RTP5: variants seen among roughly 807,000 people sequenced by gnomAD.
RTP5 encodes the protein receptor-transporting protein 5.
A neutral mutation model predicts 23.5 loss-of-function variants in RTP5; 30 were observed. The ratio of observed to expected loss-of-function variants is 1.27; its 90% CI spans 0.95 to 1.73. RTP5 has a LOEUF of 1.73. Among genes scored for constraint, RTP5 ranks in the 40% most tolerant of loss-of-function variants. The pLI, the probability that RTP5 is intolerant of heterozygous loss-of-function variation, is 0.00. For missense variants in RTP5, 807 were observed against 784.2 expected, an observed-to-expected ratio of 1.03 and a Z score of -0.35; for synonymous variants, 354 against 342.1, an observed-to-expected ratio of 1.03 and a Z score of -0.38.
Position 241,872,643 on chromosome 2 carries a change from C to T in RTP5, c.1088C>T (p.Thr363Ile). 6.3e-7 allele frequency: 1 copy of T among 1,580,160 alleles called. No homozygotes were observed. Among genetic ancestry groups the T allele is most frequent in the South Asian group, 1.2e-5 (1 of 86,250 alleles). ...GAGCCCACCGATGGCCCTGTGGCCA[C>T]TAAAGAGGCCTCCATCACCTTCCCC... is the stretch of plus-strand genomic sequence containing the variant. Reference protein sequence around the residue: ...LSEPTDGPVATKEASITFPFI... With the variant: ...LSEPTDGPVAIKEASITFPFI... Residue 363 changes from threonine (T) to isoleucine (I), a missense_variant, in exon 2 of 2, where the codon ACT becomes ATT. Physicochemically the swap from Thr to Ile is moderately conservative, Grantham distance 89. Transcript: ENST00000343216.
At position 241,871,774 on chromosome 2, in the gene RTP5, C is replaced by T; in HGVS notation, c.219C>T (p.His73=). 1 of 1,596,318 alleles carries T rather than the reference C, an allele frequency of 6.3e-7. No homozygotes were observed. Among genetic ancestry groups the T allele is most frequent in the South Asian group, 1.1e-5 (1 of 88,324 alleles). Residue 73 remains histidine (H), a synonymous_variant, in exon 2 of 2, where the codon CAC becomes CAT. Coordinates refer to ENST00000343216, the MANE Select transcript of RTP5 (RefSeq NM_173821.3). ...CGGCCCATGTGCACGTCCTCTTCCA[C>T]CTGTGGTGGGACAGGGCCAGCCACC... The part of the protein sequence containing the change: ...WDSAHVHVLF[H]LWWDRASHRG...
At chr2:241,871,049 C>T (rs1012385870) in intron 1 of RTP5, 8 of 470,910 alleles carry the variant, frequency 1.7e-5, no homozygotes, top group Admixed American at 2.3e-5. Flanking sequence ...GTCTGATGAC[C>T]GCCATGGACA....
chr2:241,871,763 G>A lies in RTP5; in HGVS notation c.208G>A (p.Val70Ile), dbSNP rs200957184. 1.6e-5 allele frequency: 25 copies of A among 1,599,722 alleles called. No homozygotes were observed. The highest frequency in any genetic ancestry group is 5.3e-5 in the African/African-American group (4 of 74,780). The change falls in exon 2 of 2, where the codon GTC becomes ATC. Residue 70 changes from valine (V) to isoleucine (I), a missense_variant. Coordinates refer to ENST00000343216, the MANE Select transcript of RTP5 (RefSeq NM_173821.3). The part of the protein sequence containing the change: ...PGTWDSAHVH[V>I]LFHLWWDRAS... ...GACCTGGGACTCGGCCCATGTGCAC[G>A]TCCTCTTCCACCTGTGGTGGGACAG...
intron 1 of RTP5, 127 bp from the exon 2 acceptor site, chr2:241,871,587 G>A: frequency 7.8e-7 from 1 of 1,274,732 alleles, no homozygotes; most frequent in South Asian, 1.6e-5. Flanking sequence ...GTTTGAGTGT[G>A]GGATGTGAGG....
At position 241,869,784 on chromosome 2, in the gene RTP5, G is replaced by A; in HGVS notation, c.28G>A (p.Ala10Thr). The A allele has an allele frequency of 6.5e-7, 1 of 1,540,206 alleles. No homozygotes were observed. Among genetic ancestry groups the A allele is most frequent in the Non-Finnish European group, 8.7e-7 (1 of 1,144,766 alleles). Residue 10 changes from alanine (A) to threonine (T), a missense_variant, in exon 1 of 2, where the codon GCC (alanine) becomes ACC (threonine). Coordinates refer to ENST00000343216, the MANE Select transcript of RTP5 (RefSeq NM_173821.3). MDRAGADMW[A>T]STFTLAMAER... ...GGACCGGGCTGGGGCAGACATGTGG[G>A]CCAGCACCTTCACCCTGGCCATGGC...
Position 241,872,201 on chromosome 2 carries a change from G to C in RTP5, c.646G>C (p.Val216Leu). The C allele has an allele frequency of 3.1e-6, 5 of 1,611,892 alleles. No homozygotes were observed. Among genetic ancestry groups the C allele is most frequent in the Non-Finnish European group, 4.2e-6 (5 of 1,179,168 alleles). ...CCTTGTGGGTACCAGCAATGACCAG[G>C]TGCCCATCGCTGAGGGCCCTGCCCC... The part of the protein sequence containing the change: ...FSLVGTSNDQ[V>L]PIAEGPAPPA... Residue 216 changes from valine to leucine, a missense_variant, in exon 2 of 2, where the codon GTG becomes CTG. Coordinates refer to ENST00000343216, the MANE Select transcript of RTP5 (RefSeq NM_173821.3).
rs2124890379 is a variant in RTP5, at chr2:241,873,008, A to T, written c.1453A>T (p.Lys485Ter). The T allele has an allele frequency of 6.2e-7, 1 of 1,613,134 alleles. No individual in the cohort carries two copies. The highest frequency in any genetic ancestry group is 8.5e-7 in the Non-Finnish European group (1 of 1,179,972). The change falls in exon 2 of 2, where the codon AAG becomes TAG. Residue 485 changes from lysine (K) to a stop codon, truncating the protein, a stop_gained. Transcript: ENST00000343216. LOFTEE classifies it high-confidence loss of function. Reference protein sequence around the residue: ...PFAVFDVIKRKGGGHVAYGPQ... With the variant: ...PFAVFDVIKR Reference sequence around the variant, plus strand: ...CGCAGTCTTCGATGTCATAAAGCGCAAGGGCGGTGGCCACGTTGCCTACGG... The same window carrying T: ...CGCAGTCTTCGATGTCATAAAGCGCTAGGGCGGTGGCCACGTTGCCTACGG...
chr2:241,869,860 T>C lies in RTP5; in HGVS notation c.104T>C (p.Val35Ala). Residue 35 changes from valine (V) to alanine (A), a missense_variant, in exon 1 of 2, where the codon GTC (valine) becomes GCC (alanine). Physicochemically the swap from Val to Ala is moderately conservative, Grantham distance 64. Coordinates refer to ENST00000343216, the MANE Select transcript of RTP5 (RefSeq NM_173821.3). ...VWVLLPEHSLVPGCLDGGGVQ... is the reference protein window; with the variant it reads ...VWVLLPEHSLAPGCLDGGGVQ... The stretch of plus-strand genomic sequence containing the variant: ...GTTCTGCTACCTGAGCACAGCCTGG[T>C]CCCGGGATGCCTGGACGGCGGTGGT... 1 of 1,588,616 alleles carries C rather than the reference T, an allele frequency of 6.3e-7. No individual in the cohort carries two copies. Among genetic ancestry groups the C allele is most frequent in the Non-Finnish European group, 8.6e-7 (1 of 1,169,342 alleles).
intron 1 of RTP5, chr2:241,871,022 C>T (rs1471240420): frequency 2.1e-6 from 1 of 470,998 alleles, no homozygotes; most frequent in Admixed American, 2.3e-5. Context: ...GCTTGTGTGG[C>T]TAGCAAATGG....
chr2:241,872,477 C>T lies in RTP5; in HGVS notation c.922C>T (p.Pro308Ser). 6.3e-7 allele frequency: 1 copy of T among 1,597,870 alleles called. No individual in the cohort carries two copies. The highest frequency in any genetic ancestry group is 8.5e-7 in the Non-Finnish European group (1 of 1,173,870). ...SPVGVAQGWGPISLNNGLVPV... is the reference protein window; with the variant it reads ...SPVGVAQGWGSISLNNGLVPV... ...GGTTGGCGTGGCCCAGGGCTGGGGC[C>T]CCATCTCCCTCAACAATGGCCTCGT... is the stretch of plus-strand genomic sequence containing the variant. Residue 308 changes from proline (P) to serine (S), a missense_variant, in exon 2 of 2, where the codon CCC becomes TCC. Transcript: ENST00000343216.
At position 241,871,855 on chromosome 2, in the gene RTP5, C is replaced by T. The variant is rs369260535; in HGVS notation, c.300C>T (p.Pro100=). The T allele has an allele frequency of 6.0e-4, 925 of 1,548,570 alleles. 3 individuals carry two copies. In the African/African-American group the frequency reaches 0.011, roughly 19 times the overall value. Residue 100 remains proline (P), a synonymous_variant, in exon 2 of 2, where the codon CCC becomes CCT. Coordinates refer to ENST00000343216, the MANE Select transcript of RTP5 (RefSeq NM_173821.3). Reference sequence around the variant, plus strand: ...AGCGGTGCAGGCTGTGCCCCGCACCCGGGGACTGCCAGGTGAGGCCCCCGG... The same window carrying T: ...AGCGGTGCAGGCTGTGCCCCGCACCTGGGGACTGCCAGGTGAGGCCCCCGG... ...WGQRCRLCPA[P]GDCQVRPPGE...
chr2:241,873,473 C>A lies in RTP5; in HGVS notation c.*199C>A. ...CCCTGCCTCTGAGACCCCGCCTCAC[C>A]TCTGAGACACCCCCCAACCCCACCT... On this transcript the variant is annotated 3_prime_UTR_variant, in exon 2 of 2. Transcript: ENST00000343216. 2.7e-6 allele frequency: 1 copy of A among 370,896 alleles called. No individual in the cohort carries two copies. The highest frequency in any genetic ancestry group is 4.1e-6 in the Non-Finnish European group (1 of 244,172). 23.0% of individuals were successfully genotyped at this position (370,896 alleles called of 1,614,324 possible).
At position 241,872,804 on chromosome 2, in the gene RTP5, G is replaced by A. The variant is rs760581011; in HGVS notation, c.1249G>A (p.Val417Ile). 3 of 1,611,112 alleles carry A rather than the reference G, an allele frequency of 1.9e-6. No homozygotes were observed. Among genetic ancestry groups the A allele is most frequent in the Non-Finnish European group, 2.5e-6 (3 of 1,178,992 alleles). ...ETNAGGLPSQ[V>I]KGSLALPFPA... ...CAATGCTGGTGGCCTCCCCTCCCAG[G>A]TCAAGGGCTCCCTTGCCCTCCCCTT... The change falls in exon 2 of 2, where the codon GTC becomes ATC. Residue 417 changes from valine (V) to isoleucine (I), a missense_variant. Transcript: ENST00000343216.
chr2:241,872,412 A>G lies in RTP5; in HGVS notation c.857A>G (p.Lys286Arg), dbSNP rs530211184. 8 of 1,612,014 alleles carry G rather than the reference A, an allele frequency of 5.0e-6. No homozygotes were observed. The East Asian group carries it at 1.8e-4, about 36-fold the overall frequency. ...LGSSIQTFEL[K>R]GFLFKGRGSL... ...AGCAGCATCCAGACCTTCGAGCTCA[A>G]GGGCTTCCTCTTCAAAGGCCGGGGC... Residue 286 changes from lysine (K) to arginine (R), a missense_variant, in exon 2 of 2, where the codon AAG (lysine) becomes AGG (arginine). Lys to Arg is a conservative substitution (Grantham distance 26). Coordinates refer to ENST00000343216, the MANE Select transcript of RTP5 (RefSeq NM_173821.3).
intron 1 of RTP5, among the ~76,000 whole-genome samples, chr2:241,871,473 G>A (rs565226326): frequency 2.6e-5 from 4 of 152,366 alleles, no homozygotes; most frequent in Non-Finnish European, 5.9e-5. Flanking sequence ...GCTTTTGCCT[G>A]TGTGTGGCCG....
At position 241,873,146 on chromosome 2, in the gene RTP5, C is replaced by T. The variant is rs756088216; in HGVS notation, c.1591C>T (p.Arg531Cys). The T allele has an allele frequency of 5.6e-6, 9 of 1,611,732 alleles. No individual in the cohort carries two copies. The highest frequency in any genetic ancestry group is 2.2e-5 in the South Asian group (2 of 91,056). Residue 531 changes from arginine to cysteine, a missense_variant, in exon 2 of 2, where the codon CGT becomes TGT. Coordinates refer to ENST00000343216, the MANE Select transcript of RTP5 (RefSeq NM_173821.3). ...CRREEDERPG[R>C]ACRRPHAEPY... The stretch of plus-strand genomic sequence containing the variant: ...CCGGGAGGAAGACGAGCGCCCTGGC[C>T]GTGCCTGCCGTAGGCCGCACGCCGA...
At position 241,873,427 on chromosome 2, in the gene RTP5, C is replaced by G; in HGVS notation, c.*153C>G. On this transcript the variant is annotated 3_prime_UTR_variant, in exon 2 of 2. Transcript: ENST00000343216. ...TGAGACCCCCGCCTCTGAGGCCCCG[C>G]CCCCCGCCTCCGAGACCCCGCCCTG... The G allele has an allele frequency of 1.4e-6, 1 of 699,746 alleles. No individual in the cohort carries two copies. The highest frequency in any genetic ancestry group is 2.1e-6 in the Non-Finnish European group (1 of 467,086). 43.3% of individuals were successfully genotyped at this position (699,746 alleles called of 1,614,324 possible).
Position 241,873,234 on chromosome 2 carries a change from T to C in RTP5, c.1679T>C (p.Met560Thr), listed in dbSNP as rs1488588605. The change falls in exon 2 of 2, where the codon ATG (methionine) becomes ACG (threonine). Residue 560 changes from methionine to threonine, a missense_variant. Transcript: ENST00000343216. ...MTVCVFWLMC[M>T]CRLNPGIYPQ... ...GTGTGCGTCTTCTGGCTGATGTGCA[T>C]GTGTCGGCTGAACCCCGGGATCTAC... 1.9e-6 allele frequency: 3 copies of C among 1,597,566 alleles called. No individual in the cohort carries two copies. The highest frequency in any genetic ancestry group is 1.3e-5 in the African/African-American group (1 of 74,704).
chr2:241,872,035 C>G lies in RTP5; in HGVS notation c.480C>G (p.Pro160=), dbSNP rs770194200. ...GCTTCCTCCAGAAGGCCCCAGACCC[C>G]GCCTGGAGCGCCAACGCCACAAAAG... ...GVCFLQKAPD[P]AWSANATKGN... The change falls in exon 2 of 2, where the codon CCC becomes CCG. Residue 160 remains proline, a synonymous_variant. Coordinates refer to ENST00000343216, the MANE Select transcript of RTP5 (RefSeq NM_173821.3). 1.3e-6 allele frequency: 2 copies of G among 1,563,200 alleles called. No individual in the cohort carries two copies. The highest frequency in any genetic ancestry group is 2.7e-5 in the African/African-American group (2 of 73,826).
Sources: allele counts gnomAD v4.1 joint callset (sites outside exome capture counted in the v4.1 genomes callset), GRCh38; gene constraint gnomAD v4.1.1; transcripts MANE v1.5; gene names NCBI Gene and HGNC (gene_info 2026-07-23, HGNC 2026-07-21).